The following GPR137B variants were observed in gnomAD, a reference collection of about 807,000 sequenced individuals.
GPR137B encodes the protein integral membrane protein GPR137B.
In GPR137B, 42 loss-of-function variants were observed where a neutral mutation model predicts 42.5. The observed-to-expected ratio is 0.99, with a 90% CI of 0.77 to 1.28. The LOEUF (loss-of-function observed/expected upper bound fraction) is 1.28. Among genes scored for constraint, GPR137B ranks in the 50% most tolerant of loss-of-function variants. The probability of loss-of-function intolerance (pLI) is 0.00; values close to 1 mark genes in which losing one functional copy is unlikely to be tolerated. For missense variants in GPR137B, 487 were observed against 493.9 expected (o/e 0.99, Z 0.13); for synonymous variants, 218 against 209.7 (o/e 1.04, Z -0.34).
At chr1:236,172,543 C>T (rs755936418) in intron 2 of GPR137B, among the ~76,000 whole-genome samples, 4 of 152,160 alleles carry the variant, frequency 2.6e-5, no homozygotes, top group Non-Finnish European at 5.9e-5. Context: ...TTAATTCAGG[C>T]TTTCTCTTTC....
In GPR137B at chr1:236,205,213, C is replaced by T. The variant is rs1406574036; in HGVS notation, c.1054C>T (p.Leu352Phe). The T allele has an allele frequency of 6.2e-7, 1 of 1,613,344 alleles. No homozygotes were observed. Among genetic ancestry groups the T allele is most frequent in the Non-Finnish European group, 8.5e-7 (1 of 1,179,296 alleles). Residue 352 changes from leucine (L) to phenylalanine (F), a missense_variant, in exon 6 of 7, where the codon CTT (leucine) becomes TTT (phenylalanine). By Grantham distance (22) the Leu-to-Phe change is conservative. Transcript: ENST00000366592. Reference protein sequence around the residue: ...NPRRYDSDDDLAWNIAPQGLQ... With the variant: ...NPRRYDSDDDFAWNIAPQGLQ... ...TCGAAGATATGACAGTGATGATGACCTTGCCTGGAACATTGCCCCTCAGGG... is the reference window on the plus strand; with the variant it reads ...TCGAAGATATGACAGTGATGATGACTTTGCCTGGAACATTGCCCCTCAGGG...
intron 1 of GPR137B, among the ~76,000 whole-genome samples, chr1:236,165,136 C>A (rs185480173): frequency 6.6e-6 from 1 of 152,186 alleles, no homozygotes; most frequent in African/African-American, 2.4e-5. Context: ...AACTCCTGAC[C>A]TCAGGCAATC....
At chr1:236,192,387 A>C (rs965001123) in intron 5 of GPR137B, among the ~76,000 whole-genome samples, 20 of 151,790 alleles carry the variant, frequency 1.3e-4, no homozygotes, top group Non-Finnish European at 2.2e-4. Context: ...AAAAAAAAAA[A>C]AACAAAAAAC....
At chr1:236,148,459 A>G (rs1057514860) in intron 1 of GPR137B, among the ~76,000 whole-genome samples, 9 of 152,150 alleles carry the variant, frequency 5.9e-5, no homozygotes, top group Non-Finnish European at 1.2e-4. Context: ...CTTGGGCCCT[A>G]TGACAAACTC....
At chr1:236,172,045 A>G (rs1385978588) in intron 2 of GPR137B, among the ~76,000 whole-genome samples, 1 of 152,092 alleles carries the variant, frequency 6.6e-6, no homozygotes, top group East Asian at 1.9e-4. Context: ...CATCTCAAAA[A>G]AAAAAAAAAA....
At chr1:236,162,266 A>G (rs1055195981) in intron 1 of GPR137B, among the ~76,000 whole-genome samples, 1 of 152,206 alleles carries the variant, frequency 6.6e-6, no homozygotes, top group Non-Finnish European at 1.5e-5. Flanking sequence ...GATTTAGGGT[A>G]TCTGGCAGAA....
intron 1 of GPR137B, among the ~76,000 whole-genome samples, 190 bp from the exon 2 acceptor site, chr1:236,168,516 G>A (rs900190066): frequency 2.0e-5 from 3 of 151,262 alleles, no homozygotes; most frequent in African/African-American, 2.4e-5. Context: ...AACCATGTTC[G>A]AATTCCTTTA....
intron 4 of GPR137B, among the ~76,000 whole-genome samples, chr1:236,180,518 T>A (rs1354685941): frequency 1.3e-5 from 2 of 152,200 alleles, no homozygotes; most frequent in Non-Finnish European, 2.9e-5. Flanking sequence ...CCTGCCTTGT[T>A]CCCTTTTGAG....
At chr1:236,180,289 G>GTTA (rs1662832264) in intron 4 of GPR137B, 1 of 354,170 alleles carries the variant, frequency 2.8e-6, no homozygotes, top group Admixed American at 4.5e-5. Flanking sequence ...ATTTTTAATT[G>GTTA]TTATTAGTAT....
At chr1:236,179,087 G>A (rs767376126) in intron 3 of GPR137B, among the ~76,000 whole-genome samples, 7 of 151,836 alleles carry the variant, frequency 4.6e-5, no homozygotes, top group Non-Finnish European at 7.4e-5. Context: ...GTGAGCCACC[G>A]CGCCCGCACT....
intron 1 of GPR137B, among the ~76,000 whole-genome samples, chr1:236,159,363 G>T (rs1046893881): frequency 5.3e-5 from 8 of 152,058 alleles, no homozygotes; most frequent in Non-Finnish European, 1.0e-4. Flanking sequence ...ATGTCAACTT[G>T]AGTTAGTAGT....
At chr1:236,159,413 C>T (rs1211341886) in intron 1 of GPR137B, among the ~76,000 whole-genome samples, 3 of 152,052 alleles carry the variant, frequency 2.0e-5, no homozygotes, top group Non-Finnish European at 4.4e-5. Context: ...TGCCTGTAAT[C>T]CCAGCACTTT....
chr1:236,166,675 A>T (rs1388210910), intron 1 of GPR137B, among the ~76,000 whole-genome samples: 1 of 151,924 alleles, frequency 6.6e-6, no homozygotes, highest in East Asian at 1.9e-4. Flanking sequence ...AAAAGGGAAG[A>T]GGTGCTTACT....
At chr1:236,152,276 A>G (rs1370887910) in intron 1 of GPR137B, among the ~76,000 whole-genome samples, 2 of 151,718 alleles carry the variant, frequency 1.3e-5, no homozygotes, top group Non-Finnish European at 2.9e-5. Flanking sequence ...ATCCTGGGCA[A>G]TATAGTGAGA....
In GPR137B at chr1:236,207,255, G is replaced by A. The variant is rs1339239357; in HGVS notation, c.1092-795G>A. 4 of 985,370 alleles carry A rather than the reference G, an allele frequency of 4.1e-6. No homozygotes were observed. In the South Asian group the frequency reaches 1.9e-4, roughly 46 times the overall value. 61.0% of individuals were successfully genotyped at this position (985,370 alleles called of 1,614,324 possible). ...AGAAAAAAGAAGAAAGCTGCCCAAT[G>A]CGCTGAGCCAGCAGATGTAAAGAAC... On this transcript the variant is annotated intron_variant, in intron 6 of 6. Coordinates refer to ENST00000366592, the MANE Select transcript of GPR137B (RefSeq NM_003272.4).
rs1035344043 is a variant in GPR137B at position 236,171,090 on chromosome 1, A to G, written c.464+2335A>G. On this transcript the variant is annotated intron_variant, in intron 2 of 6. Transcript: ENST00000366592. This position sits in a 1 kb window ranked among gnomAD's most constrained non-coding sequence, Gnocchi z 4.4. ...TATGTTTCAGATACACCTTATACAC[A>G]TATCCTGAAGGCAACTTTATACAAC... Among the ~76,000 whole-genome samples the G allele has an allele frequency of 6.6e-6, 1 of 152,188 alleles. No individual in the cohort carries two copies. The highest frequency in any genetic ancestry group is 1.5e-5 in the Non-Finnish European group (1 of 68,036).
chr1:236,173,913 G>A (rs1306719028), intron 2 of GPR137B, among the ~76,000 whole-genome samples: 2 of 147,236 alleles, frequency 1.4e-5, no homozygotes, highest in Non-Finnish European at 3.0e-5. Context: ...TTATAAAAGT[G>A]ATAACAAGGA....
chr1:236,207,985 A>G (rs1198943880), intron 6 of GPR137B, 65 bp from the exon 7 acceptor site: 2 of 1,195,142 alleles, frequency 1.7e-6, no homozygotes, highest in African/African-American at 1.5e-5. Flanking sequence ...TGTCTACCTA[A>G]ACTAGACTAT....
At chr1:236,207,529 CT>C (rs1168395031) in intron 6 of GPR137B, among the ~76,000 whole-genome samples, 1 of 152,216 alleles carries the variant, frequency 6.6e-6, no homozygotes, top group Admixed American at 6.5e-5. Context: ...ACAAGACCCC[CT>C]TTCTACTACA....
Sources: allele counts gnomAD v4.1 joint callset (sites outside exome capture counted in the v4.1 genomes callset), GRCh38; gene constraint gnomAD v4.1.1; non-coding constraint Gnocchi (gnomAD v3.1); transcripts MANE v1.5; gene names NCBI Gene and HGNC (gene_info 2026-07-23, HGNC 2026-07-21).